Variants in DOCK9 observed in about 807,000 individuals in gnomAD.
The protein encoded by DOCK9 is dedicator of cytokinesis 9, also known as dedicator of cytokinesis protein 9.
In DOCK9, 89 loss-of-function variants were observed where a neutral mutation model predicts 263.3. That is an observed-to-expected ratio of 0.34 (90% CI 0.28 to 0.40). The LOEUF (loss-of-function observed/expected upper bound fraction) is 0.40. Among genes scored for constraint, DOCK9 ranks in the 10% least tolerant of loss-of-function variants. DOCK9 has a pLI of 1.00. For missense variants in DOCK9, 2,140 were observed against 2,603.4 expected, an observed-to-expected ratio of 0.82 and a Z score of 3.87; for synonymous variants, 976 against 973.1, an observed-to-expected ratio of 1.00 and a Z score of -0.06.
At chr13:99,031,695 C>G (rs1441645801) in intron 1 of DOCK9, among the ~76,000 whole-genome samples, 1 of 152,194 alleles carries the variant, frequency 6.6e-6, no homozygotes, top group Non-Finnish European at 1.5e-5. Flanking sequence ...ACTACTATCC[C>G]AGGCCCCCTA....
At chr13:99,062,303 T>C (rs764095470) in intron 1 of DOCK9, among the ~76,000 whole-genome samples, 1 of 152,216 alleles carries the variant, frequency 6.6e-6, no homozygotes, top group Non-Finnish European at 1.5e-5. Flanking sequence ...ATAAAACTTG[T>C]ATAAAGTTTA....
chr13:98,844,524 G>T (rs1480589875), intron 38 of DOCK9, among the ~76,000 whole-genome samples: 2 of 152,084 alleles, frequency 1.3e-5, no homozygotes, highest in Non-Finnish European at 2.9e-5. Context: ...CAATAAGCCT[G>T]ACTAGTTTTT....
At chr13:98,876,329 T>C (rs1420398619) in intron 27 of DOCK9, among the ~76,000 whole-genome samples, 1 of 152,054 alleles carries the variant, frequency 6.6e-6, no homozygotes, top group African/African-American at 2.4e-5. Flanking sequence ...CTGTCTCTAT[T>C]AAAAATATAA....
intron 2 of DOCK9, among the ~76,000 whole-genome samples, chr13:98,942,428 T>C (rs9554541): frequency 0.42 from 63,127 of 151,308 alleles, 13,494 homozygotes; most frequent in East Asian, 0.56. Flanking sequence ...TAAGTAGAGA[T>C]GGGGTTTTGC....
chr13:98,835,291 T>C (rs968836348), intron 39 of DOCK9, among the ~76,000 whole-genome samples: 51 of 152,346 alleles, frequency 3.3e-4, no homozygotes, highest in African/African-American at 1.2e-3. Context: ...ATATCTCTTC[T>C]GATATGGTCC....
chr13:98,992,071 A>G (rs530423636), intron 1 of DOCK9, among the ~76,000 whole-genome samples: 1 of 152,038 alleles, frequency 6.6e-6, no homozygotes, highest in African/African-American at 2.4e-5. Context: ...GAGAAATAAA[A>G]CTGTACAGTG....
chr13:98,887,413 G>A (rs1356110230), intron 18 of DOCK9, among the ~76,000 whole-genome samples: 1 of 150,696 alleles, frequency 6.6e-6, no homozygotes, highest in South Asian at 2.1e-4. Flanking sequence ...TCAGGAGATC[G>A]AGACCATCCT....
At chr13:98,996,038 G>A (rs1880956975) in intron 1 of DOCK9, among the ~76,000 whole-genome samples, 1 of 152,136 alleles carries the variant, frequency 6.6e-6, no homozygotes, top group Non-Finnish European at 1.5e-5. Flanking sequence ...GCATATTGAG[G>A]ATTGTGTATT....
chr13:98,838,534 T>C (rs555866223), intron 38 of DOCK9, among the ~76,000 whole-genome samples: 1 of 152,348 alleles, frequency 6.6e-6, no homozygotes, highest in South Asian at 2.1e-4. Context: ...ACTTGAAGAA[T>C]CTGTCATTTA....
At chr13:99,042,538 C>T (rs951016318) in intron 1 of DOCK9, among the ~76,000 whole-genome samples, 1 of 152,194 alleles carries the variant, frequency 6.6e-6, no homozygotes, top group African/African-American at 2.4e-5. Context: ...GGGGCAATGA[C>T]TGACTTTAGT....
chr13:98,947,506 ATTTTT>A (rs35004750), intron 2 of DOCK9, among the ~76,000 whole-genome samples: 1 of 123,798 alleles, frequency 8.1e-6, no homozygotes, highest in Non-Finnish European at 1.6e-5. Context: ...TCTATTCAGA[ATTTTT>A]TTTTTTTTTT....
At chr13:98,801,898 C>T (rs2090154290) in intron 49 of DOCK9, among the ~76,000 whole-genome samples, 1 of 151,962 alleles carries the variant, frequency 6.6e-6, no homozygotes, top group Non-Finnish European at 1.5e-5. Context: ...TCATATGTCA[C>T]GTACTTATAG....
At chr13:98,990,721 T>C (rs1879606968) in intron 1 of DOCK9, among the ~76,000 whole-genome samples, 1 of 152,196 alleles carries the variant, frequency 6.6e-6, no homozygotes. Context: ...CAGCCCAAAC[T>C]CTGCAATTCA....
intron 1 of DOCK9, among the ~76,000 whole-genome samples, chr13:98,995,485 C>CCT (rs1567183939): frequency 8.2e-6 from 1 of 121,470 alleles, no homozygotes. Context: ...GAGGAAGATA[C>CCT]TTTTTTTTTT....
chr13:98,830,918 G>GGTCA lies in DOCK9; in HGVS notation c.4635+426_4635+429dup, dbSNP rs147496531. Among the ~76,000 whole-genome samples the GGTCA allele has an allele frequency of 6.4e-3, 970 of 152,304 alleles. 15 individuals carry two copies. Among genetic ancestry groups the GGTCA allele is most frequent in the African/African-American group, 0.023 (945 of 41,576 alleles). On this transcript the variant is annotated intron_variant, in intron 41 of 52. Transcript: ENST00000682017. ...AGAGTTTACAAAAATACACAAGTTT[G>GGTCA]GTCATTATCTTGGCTGGCTCTCAGA...
At chr13:98,895,967 G>T (rs917546733) in intron 15 of DOCK9, among the ~76,000 whole-genome samples, 4 of 152,138 alleles carry the variant, frequency 2.6e-5, no homozygotes, top group African/African-American at 9.7e-5. Flanking sequence ...TATGGTCCAG[G>T]AACCCTGGAA....
intron 1 of DOCK9, among the ~76,000 whole-genome samples, chr13:99,004,784 G>GACACACACACACACACAC: frequency 6.8e-6 from 1 of 148,040 alleles, no homozygotes; most frequent in Non-Finnish European, 1.5e-5. Context: ...AAAAACTATA[G>GACACACACACACACACAC]ACACACACAC....
chr13:98,844,015 T>C (rs1281918409), intron 38 of DOCK9, among the ~76,000 whole-genome samples: 2 of 152,226 alleles, frequency 1.3e-5, no homozygotes, highest in Non-Finnish European at 2.9e-5. Flanking sequence ...CAACCAATAG[T>C]GAGTTAACCT....
rs776086968 is a variant in DOCK9 at position 98,868,029 on chromosome 13, C to CA, written c.3091-19dup. 1 of 1,607,566 alleles carries CA rather than the reference C, an allele frequency of 6.2e-7. No homozygotes were observed. Among genetic ancestry groups the CA allele is most frequent in the South Asian group, 1.1e-5 (1 of 89,402 alleles). On this transcript the variant is annotated intron_variant, in intron 28 of 52. Transcript: ENST00000682017. ...AAACATCTCTGTGGAGGAAAACAAG[C>CA]AAAAAAGTTATTTCAGGTCCAAACA...
Sources: gnomAD v4.1 joint callset for allele counts (sites outside exome capture counted in the v4.1 genomes callset) on GRCh38, gnomAD v4.1.1 for gene constraint, MANE v1.5 for transcripts, NCBI Gene and HGNC (gene_info 2026-07-23, HGNC 2026-07-21) for gene names.